PTPRK: variants seen among roughly 807,000 people sequenced by gnomAD.
PTPRK encodes the protein receptor-type tyrosine-protein phosphatase kappa.
Under a neutral mutation model 178.0 loss-of-function variants are expected in PTPRK, and 75 were observed. That is an observed-to-expected ratio of 0.42 (90% CI 0.35 to 0.51). PTPRK has a LOEUF of 0.51. PTPRK is among the 20% of genes least tolerant of loss of function. PTPRK has a pLI of 0.02. For synonymous variants in PTPRK, 637 were observed against 620.6 expected, an observed-to-expected ratio of 1.03 and a Z score of -0.39; for missense variants, 1,441 against 1,797.8, an observed-to-expected ratio of 0.80 and a Z score of 3.59.
At chr6:128,354,229 A>ATTTTTTTTTTTT (rs1201996929) in intron 2 of PTPRK, among the ~76,000 whole-genome samples, 1 of 27,744 alleles carries the variant, frequency 3.6e-5, no homozygotes, top group Non-Finnish European at 7.7e-5. Flanking sequence ...TTTTTTGTTT[A>ATTTTTTTTTTTT]TGTTTTTTTT....
intron 13 of PTPRK, among the ~76,000 whole-genome samples, chr6:128,037,269 G>T (rs538901867): frequency 6.6e-6 from 1 of 152,154 alleles, no homozygotes; most frequent in East Asian, 1.9e-4. Flanking sequence ...ATCAATTTAA[G>T]TCTCAGGGGT....
intron 5 of PTPRK, among the ~76,000 whole-genome samples, chr6:128,226,761 C>CATATATATATATATATATATAT (rs71028117): frequency 1.8e-5 from 2 of 109,540 alleles, no homozygotes; most frequent in Non-Finnish European, 1.8e-5. Flanking sequence ...ATTATATAGA[C>CATATATATATATATATATATAT]ATATATATAT....
Position 128,067,550 on chromosome 6 carries a change from ATGT to A in PTPRK, c.2123_2125del (p.Asn708del). On this transcript the variant is annotated inframe_deletion, in exon 12 of 30. Coordinates refer to ENST00000368226, the MANE Select transcript of PTPRK (RefSeq NM_002844.4). ...CACACTGCTCATCGCCTGGAAATAG[ATGT>A]TGTATCCTTTGCGCGGAGCCAAAGG... The A allele has an allele frequency of 6.3e-7, 1 of 1,585,412 alleles. No homozygotes were observed. Among genetic ancestry groups the A allele is most frequent in the Non-Finnish European group, 8.6e-7 (1 of 1,160,738 alleles).
In PTPRK at chr6:127,996,832, T is replaced by G; in HGVS notation, c.2767+69A>C. 9 of 1,522,612 alleles carry G rather than the reference T, an allele frequency of 5.9e-6. 1 individual carries two copies. The South Asian group carries it at 1.1e-4, about 19-fold the overall frequency. The allele number at this position is 1,522,612 out of a possible 1,614,324, so 94.3% of individuals were successfully genotyped here. On this transcript the variant is annotated intron_variant, in intron 17 of 29. Coordinates refer to ENST00000368226, the MANE Select transcript of PTPRK (RefSeq NM_002844.4). ...AAACAGACACACCACTCTCTGGGAT[T>G]TTTCTTAAAGTTTAAAACCATATAA... is the stretch of plus-strand genomic sequence containing the variant.
rs571455347 is a variant in PTPRK, at chr6:128,392,723, G to A, written c.223+4843C>T. Among the ~76,000 whole-genome samples, 232 of 147,036 alleles carry A rather than the reference G, an allele frequency of 1.6e-3. 2 individuals are homozygous for A. The highest frequency in any genetic ancestry group is 5.6e-3 in the African/African-American group (225 of 39,882). On this transcript the variant is annotated intron_variant, in intron 2 of 29. Coordinates refer to ENST00000368226, the MANE Select transcript of PTPRK (RefSeq NM_002844.4). ...ATAGACTTTTGAGGGACAGAAGATC[G>A]GAATTTGACAAGCAAAAGTCAAAAA...
chr6:128,105,376 G>A lies in PTPRK; in HGVS notation c.1163-15384C>T, dbSNP rs867494156. On this transcript the variant is annotated intron_variant, in intron 7 of 29. Coordinates refer to ENST00000368226, the MANE Select transcript of PTPRK (RefSeq NM_002844.4). ...TCTTGATCTCCTGACCTTGTGATCC[G>A]CCCACCTCAGCCTCCCAAAGTGCTG... 5.9e-5 allele frequency among the ~76,000 whole-genome samples: 9 copies of A among 152,054 alleles called. No individual in the cohort carries two copies. The South Asian group carries it at 1.7e-3, about 28-fold the overall frequency.
At chr6:128,517,445 C>CT (rs1393035048) in intron 1 of PTPRK, among the ~76,000 whole-genome samples, 2 of 152,136 alleles carry the variant, frequency 1.3e-5, no homozygotes, top group African/African-American at 4.8e-5. Context: ...AGTGAATAAA[C>CT]TTTAATACTT....
intron 7 of PTPRK, among the ~76,000 whole-genome samples, chr6:128,097,485 A>G (rs1256874765): frequency 1.3e-5 from 2 of 152,224 alleles, no homozygotes; most frequent in East Asian, 3.8e-4. Context: ...CCCAAGTGAC[A>G]TGGAAAAAAA....
At chr6:128,405,648 G>A (rs1225280897) in intron 1 of PTPRK, among the ~76,000 whole-genome samples, 1 of 152,140 alleles carries the variant, frequency 6.6e-6, no homozygotes, top group African/African-American at 2.4e-5. Context: ...TTCTCCTGGA[G>A]AGATTACTGA....
Position 128,183,884 on chromosome 6 carries a change from G to C in PTPRK, c.1162+548C>G, listed in dbSNP as rs1353894018. Reference sequence around the variant, plus strand: ...GGAAGGCAACAGAAAGGCTTAAAGTGTAAGGAAAATCTCTCTGTGTTCTGC... The same window carrying C: ...GGAAGGCAACAGAAAGGCTTAAAGTCTAAGGAAAATCTCTCTGTGTTCTGC... On this transcript the variant is annotated intron_variant, in intron 7 of 29. Transcript: ENST00000368226. Among the ~76,000 whole-genome samples the C allele has an allele frequency of 3.9e-5, 6 of 152,308 alleles. No individual in the cohort carries two copies. The South Asian group carries it at 1.0e-3, about 26-fold the overall frequency.
intron 7 of PTPRK, among the ~76,000 whole-genome samples, chr6:128,132,147 T>G (rs1238993257): frequency 1.3e-5 from 2 of 152,084 alleles, no homozygotes; most frequent in East Asian, 3.9e-4. Context: ...AAAGGTCAAA[T>G]AGTTACAGGC....
chr6:128,262,502 GA>G (rs1207026013), intron 3 of PTPRK, among the ~76,000 whole-genome samples: 3 of 151,968 alleles, frequency 2.0e-5, no homozygotes, highest in African/African-American at 4.8e-5. Flanking sequence ...ACTTCCCAAA[GA>G]AAAGAACAGA....
At chr6:128,426,650 A>G (rs780722898) in intron 1 of PTPRK, among the ~76,000 whole-genome samples, 1 of 152,208 alleles carries the variant, frequency 6.6e-6, no homozygotes, top group Admixed American at 6.5e-5. Flanking sequence ...TCAAAGAAAA[A>G]CTTTGTAGTT....
chr6:128,033,290 T>C (rs979276066), intron 13 of PTPRK, among the ~76,000 whole-genome samples: 10 of 152,144 alleles, frequency 6.6e-5, no homozygotes, highest in Admixed American at 2.0e-4. Flanking sequence ...TACTGAGGTA[T>C]AATGGATACA....
At chr6:128,097,069 G>T (rs1788037779) in intron 7 of PTPRK, among the ~76,000 whole-genome samples, 1 of 152,084 alleles carries the variant, frequency 6.6e-6, no homozygotes, top group Non-Finnish European at 1.5e-5. Flanking sequence ...TTGCCAAAAA[G>T]ATTTCATCTC....
At chr6:128,092,960 T>A (rs965077398) in intron 7 of PTPRK, among the ~76,000 whole-genome samples, 1 of 152,174 alleles carries the variant, frequency 6.6e-6, no homozygotes, top group Non-Finnish European at 1.5e-5. Context: ...GAGCTGGCCA[T>A]AAGAGCTACT....
At chr6:128,412,450 C>T (rs1842413072) in intron 1 of PTPRK, among the ~76,000 whole-genome samples, 1 of 152,136 alleles carries the variant, frequency 6.6e-6, no homozygotes, top group Non-Finnish European at 1.5e-5. Context: ...GGCACCAAGC[C>T]ATAGTTCAAA....
At chr6:128,383,961 A>T (rs772434423) in intron 2 of PTPRK, among the ~76,000 whole-genome samples, 2 of 152,234 alleles carry the variant, frequency 1.3e-5, no homozygotes, top group African/African-American at 4.8e-5. Flanking sequence ...AAAGCAATAT[A>T]CTAGAAACAT....
At chr6:128,258,094 A>T (rs1368315768) in intron 3 of PTPRK, among the ~76,000 whole-genome samples, 1 of 152,174 alleles carries the variant, frequency 6.6e-6, no homozygotes, top group East Asian at 1.9e-4. Context: ...GAGGGGATAC[A>T]CACAGGGAGG....
Sources: allele counts gnomAD v4.1 joint callset (sites outside exome capture counted in the v4.1 genomes callset), GRCh38; gene constraint gnomAD v4.1.1; transcripts MANE v1.5; gene names NCBI Gene and HGNC (gene_info 2026-07-23, HGNC 2026-07-21).